KAT6B: variants seen among roughly 807,000 people sequenced by gnomAD.
KAT6B encodes the protein lysine acetyltransferase 6B, also known as histone acetyltransferase KAT6B.
KAT6B carries 10 observed loss-of-function variants against 187.5 expected under a neutral mutation model. The ratio of observed to expected loss-of-function variants is 0.05; its 90% CI spans 0.03 to 0.09. KAT6B has a LOEUF of 0.09. Among genes scored for constraint, KAT6B ranks in the 10% least tolerant of loss-of-function variants. The pLI is 1.00. For missense variants in KAT6B, 1,952 were observed against 2,558.9 expected (o/e 0.76, Z 5.12); for synonymous variants, 861 against 926.8 (o/e 0.93, Z 1.29).
intron 3 of KAT6B, among the ~76,000 whole-genome samples, chr10:74,877,800 C>A (rs989762266): frequency 1.3e-5 from 2 of 151,698 alleles, no homozygotes; most frequent in African/African-American, 4.8e-5. Flanking sequence ...TTTATTTTTT[C>A]TCTCTGAATT....
chr10:74,959,780 CTT>C (rs1840960981), intron 3 of KAT6B, among the ~76,000 whole-genome samples, 188 bp from the exon 4 acceptor site: 1 of 152,216 alleles, frequency 6.6e-6, no homozygotes, highest in Admixed American at 6.5e-5. Flanking sequence ...CAGAGCGAGA[CTT>C]CGTCTCAAAA....
chr10:74,837,640 A>G (rs868797609), intron 1 of KAT6B, among the ~76,000 whole-genome samples: 4 of 152,222 alleles, frequency 2.6e-5, no homozygotes, highest in Middle Eastern at 6.8e-3. Flanking sequence ...CCAGTTAGAT[A>G]CTGCTTAGGC....
intron 3 of KAT6B, among the ~76,000 whole-genome samples, chr10:74,867,705 A>G (rs933242463): frequency 1.3e-4 from 20 of 152,224 alleles, no homozygotes; most frequent in African/African-American, 4.1e-4. Flanking sequence ...TATGCTGATT[A>G]TCTTATTGAA....
Position 74,848,531 on chromosome 10 carries a change from C to G in KAT6B, c.621+5053C>G, listed in dbSNP as rs140584765. Among the ~76,000 whole-genome samples, 137 of 149,560 alleles carry G rather than the reference C, an allele frequency of 9.2e-4. 1 individual carries two copies. Among genetic ancestry groups the G allele is most frequent in the African/African-American group, 3.0e-3 (117 of 39,482 alleles). On this transcript the variant is annotated intron_variant, in intron 3 of 17. Transcript: ENST00000287239. ...ACAACAACAACAAGAACAACAACAA[C>G]AACAACAACATTTTTTTGTGGTTTT...
intron 3 of KAT6B, among the ~76,000 whole-genome samples, chr10:74,923,007 A>G (rs1319903917): frequency 2.6e-5 from 4 of 152,224 alleles, no homozygotes; most frequent in South Asian, 4.1e-4. Flanking sequence ...AGAAGAAATT[A>G]TAGGCCCTTA....
intron 3 of KAT6B, among the ~76,000 whole-genome samples, chr10:74,958,025 A>G (rs1256886366): frequency 6.6e-6 from 1 of 152,218 alleles, no homozygotes; most frequent in Non-Finnish European, 1.5e-5. Context: ...AAGCCTGTGC[A>G]TATTATAAGA....
At chr10:75,005,790 T>C (rs926905347) in intron 13 of KAT6B, among the ~76,000 whole-genome samples, 5 of 152,204 alleles carry the variant, frequency 3.3e-5, no homozygotes, top group African/African-American at 9.7e-5. Context: ...TTTTTGTAAT[T>C]ATTTATATGG....
intron 17 of KAT6B, 77 bp downstream of exon 17, chr10:75,025,326 C>G (rs980279220): frequency 6.8e-7 from 1 of 1,481,044 alleles, no homozygotes; most frequent in Non-Finnish European, 9.3e-7. Context: ...AGGCCTCTGG[C>G]GTGATGCCCA....
chr10:75,016,511 A>G (rs1844983311), intron 13 of KAT6B, among the ~76,000 whole-genome samples: 1 of 152,246 alleles, frequency 6.6e-6, no homozygotes, highest in African/African-American at 2.4e-5. Flanking sequence ...TGCTACGATC[A>G]AGATAGTTGA....
intron 10 of KAT6B, among the ~76,000 whole-genome samples, chr10:74,981,336 T>A (rs1842500583): frequency 6.7e-6 from 1 of 149,522 alleles, no homozygotes; most frequent in Admixed American, 6.6e-5. Context: ...CCTTCCTTCC[T>A]TCCTTTCTTC....
In KAT6B at chr10:74,939,050, AACAC is replaced by A. The variant is rs112617639; in HGVS notation, c.622-20895_622-20892del. Among the ~76,000 whole-genome samples the A allele has an allele frequency of 5.5e-3, 797 of 145,762 alleles. 1 individual carries two copies. Among genetic ancestry groups the A allele is most frequent in the East Asian group, 0.013 (64 of 4,946 alleles). On this transcript the variant is annotated intron_variant, in intron 3 of 17. Transcript: ENST00000287239. ...CCGTGCCCAGCCCCTTTATTTTCTT[AACAC>A]ACACACACACACACACACACACACC... is the stretch of plus-strand genomic sequence containing the variant.
At chr10:74,954,620 T>G (rs1840545315) in intron 3 of KAT6B, among the ~76,000 whole-genome samples, 1 of 152,130 alleles carries the variant, frequency 6.6e-6, no homozygotes, top group Non-Finnish European at 1.5e-5. Context: ...ACCCAGCGAG[T>G]CCACCCCAGT....
chr10:74,968,444 G>C (rs1459980309), intron 4 of KAT6B, among the ~76,000 whole-genome samples: 2 of 151,434 alleles, frequency 1.3e-5, no homozygotes, highest in Non-Finnish European at 2.9e-5. Context: ...GATTGATTTT[G>C]AATGTTTTTA....
intron 3 of KAT6B, among the ~76,000 whole-genome samples, chr10:74,851,430 T>C (rs1018783683): frequency 3.3e-5 from 5 of 151,148 alleles, no homozygotes; most frequent in Non-Finnish European, 5.9e-5. Context: ...GCCTCCCTGG[T>C]TCAAGCAATT....
At chr10:74,900,966 T>G (rs150347027) in intron 3 of KAT6B, among the ~76,000 whole-genome samples, 16 of 152,300 alleles carry the variant, frequency 1.1e-4, no homozygotes, top group Admixed American at 2.0e-4. Flanking sequence ...TATTCTTGAG[T>G]GTCCTAAGTG....
chr10:74,978,052 A>T (rs766762724), intron 9 of KAT6B, among the ~76,000 whole-genome samples: 24 of 152,298 alleles, frequency 1.6e-4, no homozygotes, highest in Middle Eastern at 3.4e-3. Context: ...TTGTTGTGTC[A>T]GTGACTACAT....
chr10:75,024,183 A>G (rs1845644004), intron 16 of KAT6B: 1 of 152,214 alleles, frequency 6.6e-6, no homozygotes, highest in Non-Finnish European at 1.5e-5. Flanking sequence ...CGGGTGGACC[A>G]CTTGAGCTCA....
intron 13 of KAT6B, among the ~76,000 whole-genome samples, chr10:75,014,423 T>G (rs1844837910): frequency 6.6e-6 from 1 of 152,154 alleles, no homozygotes; most frequent in African/African-American, 2.4e-5. Flanking sequence ...GCCACTCTTT[T>G]CACTATAAAT....
At chr10:75,024,756 T>C (rs535189126) in intron 16 of KAT6B, among the ~76,000 whole-genome samples, 52 of 152,254 alleles carry the variant, frequency 3.4e-4, no homozygotes, top group African/African-American at 1.2e-3. Flanking sequence ...TAAACAACTG[T>C]TTTATTTGGA....
Sources: gnomAD v4.1 joint callset for allele counts (sites outside exome capture counted in the v4.1 genomes callset) on GRCh38, gnomAD v4.1.1 for gene constraint, MANE v1.5 for transcripts, NCBI Gene and HGNC (gene_info 2026-07-23, HGNC 2026-07-21) for gene names.